Variants in ITGB8 observed in about 807,000 individuals in gnomAD.
ITGB8 encodes the protein integrin subunit beta 8, also known as integrin beta-8.
Under a neutral mutation model 89.5 loss-of-function variants are expected in ITGB8, and 30 were observed. The ratio of observed to expected loss-of-function variants is 0.34; its 90% CI spans 0.25 to 0.45. The LOEUF is 0.45. ITGB8 is among the 20% of genes least tolerant of loss of function. The pLI is 1.00. For missense variants in ITGB8, 836 were observed against 933.3 expected (o/e 0.90, Z 1.36); for synonymous variants, 335 against 320.4 (o/e 1.05, Z -0.49).
At chr7:20,363,412 A>G (rs979249968) in intron 1 of ITGB8, among the ~76,000 whole-genome samples, 3 of 152,170 alleles carry the variant, frequency 2.0e-5, no homozygotes, top group Admixed American at 6.5e-5. Flanking sequence ...TCTTTCTCCC[A>G]AATTCATAAC....
chr7:20,351,771 C>T (rs550344450), intron 1 of ITGB8, among the ~76,000 whole-genome samples: 9 of 152,238 alleles, frequency 5.9e-5, no homozygotes, highest in East Asian at 1.9e-4. Context: ...ACACCTGCAA[C>T]GTGACTTTAA....
intron 7 of ITGB8, among the ~76,000 whole-genome samples, chr7:20,391,980 C>T (rs997534602): frequency 6.6e-5 from 10 of 152,022 alleles, no homozygotes; most frequent in African/African-American, 1.9e-4. Flanking sequence ...AAGGGGCCAT[C>T]GAAGTGTCTG....
At position 20,402,032 on chromosome 7, in the gene ITGB8, T is replaced by C. The variant is rs774981575; in HGVS notation, c.1593T>C (p.Cys531=). 4 of 1,614,174 alleles carry C rather than the reference T, an allele frequency of 2.5e-6. No individual in the cohort carries two copies. Among genetic ancestry groups the C allele is most frequent in the Non-Finnish European group, 3.4e-6 (4 of 1,179,998 alleles). The part of the protein sequence containing the change: ...SGRGVCVCGK[C]SCHKIKLGKV... ...GAGGAGTTTGTGTTTGTGGGAAATG[T>C]TCATGTCACAAAATTAAGCTTGGAA... Residue 531 remains cysteine (C), a synonymous_variant, in exon 10 of 14, where the codon TGT becomes TGC. Coordinates refer to ENST00000222573, the MANE Select transcript of ITGB8 (RefSeq NM_002214.3).
chr7:20,387,191 T>C (rs1786660142), intron 6 of ITGB8, among the ~76,000 whole-genome samples: 2 of 152,212 alleles, frequency 1.3e-5, no homozygotes, highest in Admixed American at 6.5e-5. Flanking sequence ...CAGTGAAATG[T>C]AGATATTGCT....
chr7:20,395,711 T>C (rs150165063), intron 8 of ITGB8, among the ~76,000 whole-genome samples: 12 of 152,332 alleles, frequency 7.9e-5, no homozygotes, highest in African/African-American at 2.9e-4. Context: ...CATGACCTCA[T>C]TCAGTCCTCA....
chr7:20,379,465 T>C (rs1446119594), intron 4 of ITGB8, 168 bp downstream of exon 4: 3 of 318,830 alleles, frequency 9.4e-6, no homozygotes, highest in African/African-American at 2.1e-5. Context: ...ACTTCTGAGA[T>C]GAACTGTAGA....
intron 1 of ITGB8, among the ~76,000 whole-genome samples, chr7:20,347,661 A>C (rs73086568): frequency 2.2e-4 from 33 of 152,348 alleles, no homozygotes; most frequent in South Asian, 4.1e-4. Context: ...ATAATGTTTG[A>C]GACTCGAAGA....
Position 20,401,742 on chromosome 7 carries a change from A to G in ITGB8, c.1303A>G (p.Thr435Ala), listed in dbSNP as rs931945168. 9 of 1,568,768 alleles carry G rather than the reference A, an allele frequency of 5.7e-6. No individual in the cohort carries two copies. Among genetic ancestry groups the G allele is most frequent in the Non-Finnish European group, 7.7e-6 (9 of 1,163,412 alleles). The change falls in exon 10 of 14, where the codon ACA becomes GCA. Residue 435 changes from threonine (T) to alanine (A), a missense_variant. Coordinates refer to ENST00000222573, the MANE Select transcript of ITGB8 (RefSeq NM_002214.3). The part of the protein sequence containing the change: ...NDEVLFNVTV[T>A]MKKCDVTGGK... ...TTAGGTTCTTTTCAATGTAACAGTT[A>G]CAATGAAAAAATGTGATGTCACAGG... is the stretch of plus-strand genomic sequence containing the variant.
chr7:20,338,743 T>C (rs183358664), intron 1 of ITGB8, among the ~76,000 whole-genome samples: 14 of 152,320 alleles, frequency 9.2e-5, no homozygotes, highest in African/African-American at 3.1e-4. Flanking sequence ...CATGTCAAAG[T>C]GTTTTTATAT....
rs1024003064 is a variant in ITGB8, at chr7:20,331,153, C to T, written c.-654C>T. On this transcript the variant is annotated 5_prime_UTR_variant, in exon 1 of 14. Coordinates refer to ENST00000222573, the MANE Select transcript of ITGB8 (RefSeq NM_002214.3). Reference sequence around the variant, plus strand: ...AGCCGCCTCCCCCTGTTGCTGGCATCCCGAGCTTCCTCCCTTGCCAGCCAG... The same window carrying T: ...AGCCGCCTCCCCCTGTTGCTGGCATTCCGAGCTTCCTCCCTTGCCAGCCAG... The T allele has an allele frequency of 6.2e-6, 1 of 160,846 alleles. No individual in the cohort carries two copies. The allele number at this position is 160,846 out of a possible 1,614,324, so 10.0% of individuals were successfully genotyped here. A position where few individuals can be genotyped will look rare whatever the true frequency, so the allele number is the denominator to read the frequency against.
chr7:20,361,592 C>A (rs1473621868), intron 1 of ITGB8, among the ~76,000 whole-genome samples: 4 of 152,112 alleles, frequency 2.6e-5, no homozygotes. Flanking sequence ...GGCCCCAGCT[C>A]TTAATACTAT....
chr7:20,354,669 C>G (rs1785229432), intron 1 of ITGB8, among the ~76,000 whole-genome samples: 1 of 152,164 alleles, frequency 6.6e-6, no homozygotes, highest in Admixed American at 6.5e-5. Flanking sequence ...TGCTGCAGGT[C>G]TGGACATTAC....
chr7:20,337,830 T>G (rs372419930), intron 1 of ITGB8, among the ~76,000 whole-genome samples: 1 of 152,212 alleles, frequency 6.6e-6, no homozygotes, highest in African/African-American at 2.4e-5. Context: ...AAGTAAAGTC[T>G]GTCACCCCCT....
intron 6 of ITGB8, among the ~76,000 whole-genome samples, chr7:20,386,910 A>T (rs1402196590): frequency 1.3e-5 from 2 of 152,202 alleles, no homozygotes; most frequent in African/African-American, 4.8e-5. Context: ...ACTTACAAAA[A>T]TCAATGCATA....
In ITGB8 at chr7:20,346,141, C is replaced by A. The variant is rs574396536; in HGVS notation, c.127+14208C>A. On this transcript the variant is annotated intron_variant, in intron 1 of 13. Transcript: ENST00000222573. ...AAGTGCCTGTGAGTAGCAGTGAGGA[C>A]TCAGGAAGACACTTATACATCTCCA... is the stretch of plus-strand genomic sequence containing the variant. Among the ~76,000 whole-genome samples the A allele has an allele frequency of 2.6e-5, 4 of 152,162 alleles. 1 individual carries two copies. In the South Asian group the frequency reaches 8.3e-4, roughly 32 times the overall value.
rs1787333845 is a variant in ITGB8, at chr7:20,401,996, T to C, written c.1557T>C (p.Val519=). Residue 519 remains valine, a synonymous_variant, in exon 10 of 14, where the codon GTT becomes GTC. Coordinates refer to ENST00000222573, the MANE Select transcript of ITGB8 (RefSeq NM_002214.3). ...ESCKSHKDQP[V]CSGRGVCVCG... ...GCAAGTCACACAAGGATCAGCCTGT[T>C]TGCAGTGGTCGAGGAGTTTGTGTTT... 1 of 1,614,216 alleles carries C rather than the reference T, an allele frequency of 6.2e-7. No homozygotes were observed. Among genetic ancestry groups the C allele is most frequent in the South Asian group, 1.1e-5 (1 of 91,086 alleles).
intron 1 of ITGB8, among the ~76,000 whole-genome samples, chr7:20,347,448 A>C (rs1784965916): frequency 1.3e-5 from 2 of 152,202 alleles, no homozygotes; most frequent in South Asian, 4.1e-4. Context: ...GGAAGGCCTC[A>C]ACTAGGATGG....
At position 20,331,967 on chromosome 7, in the gene ITGB8, T is replaced by C. The variant is rs747203820; in HGVS notation, c.127+34T>C. On this transcript the variant is annotated intron_variant, in intron 1 of 13. Coordinates refer to ENST00000222573, the MANE Select transcript of ITGB8 (RefSeq NM_002214.3). ...TTTTGTTTTGTTTTGTTTTCTTCTCTTCCCCAAAGGTCTTGGGCTGGCACG... is the reference window on the plus strand; with the variant it reads ...TTTTGTTTTGTTTTGTTTTCTTCTCCTCCCCAAAGGTCTTGGGCTGGCACG... The C allele has an allele frequency of 1.9e-6, 3 of 1,608,274 alleles. No homozygotes were observed. In the South Asian group the frequency reaches 3.3e-5, roughly 18 times the overall value.
chr7:20,347,286 T>G (rs2128129986), intron 1 of ITGB8, among the ~76,000 whole-genome samples: 1 of 152,346 alleles, frequency 6.6e-6, no homozygotes, highest in Middle Eastern at 3.4e-3. Flanking sequence ...AGGCGTTTTG[T>G]TTTGTTTTGA....
Sources: gnomAD v4.1 joint callset for allele counts (sites outside exome capture counted in the v4.1 genomes callset) on GRCh38, gnomAD v4.1.1 for gene constraint, MANE v1.5 for transcripts, NCBI Gene and HGNC (gene_info 2026-07-23, HGNC 2026-07-21) for gene names.